Variants in ACOXL observed in about 807,000 individuals in gnomAD.
ACOXL encodes acyl-CoA oxidase like.
In ACOXL, 70 loss-of-function variants were observed where a neutral mutation model predicts 71.9. That is an observed-to-expected ratio of 0.97 (90% CI 0.80 to 1.19). ACOXL has a LOEUF of 1.19. ACOXL is among the 50% of genes most tolerant of loss of function. The probability of loss-of-function intolerance (pLI) is 0.00; values close to 1 mark genes in which losing one functional copy is unlikely to be tolerated. For synonymous variants in ACOXL, 253 were observed against 281.6 expected (o/e 0.90, Z 1.02); for missense variants, 703 against 736.3 (o/e 0.95, Z 0.52).
chr2:110,807,259 C>T (rs542589531), intron 9 of ACOXL, among the ~76,000 whole-genome samples: 288 of 152,314 alleles, frequency 1.9e-3, no homozygotes, highest in Non-Finnish European at 2.5e-3. Flanking sequence ...GGCTCAGTTT[C>T]TTCATGTGTG....
chr2:111,023,386 G>T (rs1232921451), intron 14 of ACOXL, among the ~76,000 whole-genome samples: 1 of 152,194 alleles, frequency 6.6e-6, no homozygotes, highest in Non-Finnish European at 1.5e-5. Context: ...GCACTGGAAA[G>T]GCCTGATGCA....
intron 11 of ACOXL, among the ~76,000 whole-genome samples, chr2:110,918,199 A>G (rs1281210763): frequency 1.3e-5 from 2 of 152,230 alleles, no homozygotes; most frequent in African/African-American, 4.8e-5. Context: ...TGGTACTGGT[A>G]CCAAAACAAA....
At chr2:110,862,370 A>G (rs1253383466) in intron 10 of ACOXL, among the ~76,000 whole-genome samples, 1 of 152,164 alleles carries the variant, frequency 6.6e-6, no homozygotes, top group Non-Finnish European at 1.5e-5. Flanking sequence ...AATCCCAGCG[A>G]CTCAAGGCAG....
intron 16 of ACOXL, among the ~76,000 whole-genome samples, chr2:111,081,685 A>G (rs1310621601): frequency 6.6e-6 from 1 of 152,214 alleles, no homozygotes; most frequent in Non-Finnish European, 1.5e-5. Flanking sequence ...TAAATTTCAT[A>G]TGGAACCAAA....
intron 1 of ACOXL, among the ~76,000 whole-genome samples, chr2:110,735,190 A>G (rs1036141892): frequency 1.3e-5 from 2 of 152,208 alleles, no homozygotes; most frequent in African/African-American, 4.8e-5. Context: ...GAAAGTTCAT[A>G]TTGTACTATC....
rs77311714 is a variant in ACOXL, at chr2:111,092,850, T to C, written c.1441-15T>C. 6.3e-7 allele frequency: 1 copy of C among 1,596,074 alleles called. No individual in the cohort carries two copies. Among genetic ancestry groups the C allele is most frequent in the South Asian group, 1.1e-5 (1 of 90,078 alleles). ...TGCTATTTGTCCATTTCTTTTGTTT[T>C]CCCCCACCCCTTAGTTTTGTCTGTT... is the stretch of plus-strand genomic sequence containing the variant. On this transcript the variant is annotated splice_polypyrimidine_tract_variant and intron_variant, in intron 16 of 17. Transcript: ENST00000439055.
chr2:110,971,937 G>A (rs1007921092), intron 12 of ACOXL, among the ~76,000 whole-genome samples: 3 of 152,142 alleles, frequency 2.0e-5, no homozygotes, highest in Non-Finnish European at 4.4e-5. Flanking sequence ...ACATAAGCAT[G>A]TGATTCAACA....
intron 11 of ACOXL, among the ~76,000 whole-genome samples, chr2:110,927,486 G>C (rs547042210): frequency 2.6e-5 from 4 of 151,980 alleles, no homozygotes; most frequent in Non-Finnish European, 5.9e-5. Flanking sequence ...TCTTATAGAC[G>C]TCTTTCCCCT....
chr2:111,052,218 A>T (rs768690611), intron 16 of ACOXL, among the ~76,000 whole-genome samples: 22 of 152,216 alleles, frequency 1.4e-4, no homozygotes, highest in Non-Finnish European at 2.8e-4. Flanking sequence ...CAATAGAACT[A>T]GGACCAGAAA....
intron 16 of ACOXL, among the ~76,000 whole-genome samples, chr2:111,063,748 A>G (rs2066925158): frequency 6.6e-6 from 1 of 152,192 alleles, no homozygotes; most frequent in Non-Finnish European, 1.5e-5. Flanking sequence ...ATTTCTATTC[A>G]ATGTAGTACT....
intron 11 of ACOXL, among the ~76,000 whole-genome samples, chr2:110,920,472 T>C (rs115966789): frequency 4.5e-4 from 69 of 152,302 alleles, no homozygotes; most frequent in African/African-American, 1.6e-3. Flanking sequence ...AGGTTCTAAA[T>C]AGACTTTTTG....
intron 12 of ACOXL, among the ~76,000 whole-genome samples, chr2:110,965,129 C>T (rs2061870778): frequency 6.6e-6 from 1 of 152,150 alleles, no homozygotes; most frequent in East Asian, 1.9e-4. Context: ...CCTCCAGTTC[C>T]ATTCATGTAG....
intron 16 of ACOXL, among the ~76,000 whole-genome samples, chr2:111,075,120 G>T (rs1327754159): frequency 6.6e-6 from 1 of 152,050 alleles, no homozygotes; most frequent in African/African-American, 2.4e-5. Flanking sequence ...GTTGGGAAGG[G>T]TTCCCTCCTC....
At chr2:110,972,165 G>A (rs142258460) in intron 12 of ACOXL, among the ~76,000 whole-genome samples, 6 of 152,308 alleles carry the variant, frequency 3.9e-5, no homozygotes, top group African/African-American at 1.4e-4. Flanking sequence ...CAGCAGGAAC[G>A]TGCAGGGATG....
chr2:110,963,553 C>T (rs1449417920), intron 12 of ACOXL: 29 of 1,536,250 alleles, frequency 1.9e-5, no homozygotes, highest in South Asian at 2.5e-5. Context: ...GTGATGGGAT[C>T]GCAAATTTGA....
chr2:110,832,544 C>CAAAAAAA (rs769471148), intron 9 of ACOXL, among the ~76,000 whole-genome samples: 2 of 44,304 alleles, frequency 4.5e-5, no homozygotes, highest in African/African-American at 8.5e-5. Context: ...GACTCCATCT[C>CAAAAAAA]AAAAAAAAAA....
intron 12 of ACOXL, chr2:110,963,810 AG>A (rs1404883380): frequency 5.9e-6 from 9 of 1,528,136 alleles, no homozygotes; most frequent in African/African-American, 1.4e-5. Context: ...TTTAATTGGC[AG>A]GTGCTTTCCT....
At chr2:111,002,256 TA>T (rs2063670968) in intron 14 of ACOXL, among the ~76,000 whole-genome samples, 2 of 129,058 alleles carry the variant, frequency 1.5e-5, no homozygotes, top group South Asian at 4.7e-4. Context: ...TGTGAGATGA[TA>T]ATTTTTTTTA....
chr2:110,800,980 T>A (rs1230487071), intron 7 of ACOXL, among the ~76,000 whole-genome samples: 1 of 151,996 alleles, frequency 6.6e-6, no homozygotes, highest in Non-Finnish European at 1.5e-5. Context: ...TGTCAAGGGG[T>A]GAAGTTCTAA....
Sources: allele counts gnomAD v4.1 joint callset (sites outside exome capture counted in the v4.1 genomes callset), GRCh38; gene constraint gnomAD v4.1.1; transcripts MANE v1.5; gene names NCBI Gene and HGNC (gene_info 2026-07-23, HGNC 2026-07-21).